The following DMXL1 variants were observed in gnomAD, a reference collection of about 807,000 sequenced individuals.
DMXL1 encodes Dmx like 1, also known as dmX-like protein 1.
In DMXL1, 99 loss-of-function variants were observed where a neutral mutation model predicts 319.2. That is an observed-to-expected ratio of 0.31 (90% CI 0.26 to 0.37). The LOEUF is 0.37. DMXL1 is among the 10% of genes least tolerant of loss of function. DMXL1 has a pLI of 1.00. For missense variants in DMXL1, 3,745 were observed against 3,595.6 expected, an observed-to-expected ratio of 1.04 and a Z score of -1.06; for synonymous variants, 1,385 against 1,235.2, an observed-to-expected ratio of 1.12 and a Z score of -2.54.
In DMXL1 at chr5:119,178,181, G is replaced by A. The variant is rs79460759; in HGVS notation, c.7072G>A (p.Ala2358Thr). ...AHPLNEKMWS[A>T]VFGGGAHVPS... ...TCCTCTAAATGAGAAAATGTGGTCT[G>A]CTGTGTTTGGTGGAGGTGCACATGT... The change falls in exon 28 of 44, where the codon GCT becomes ACT. Residue 2358 changes from alanine (A) to threonine (T), a missense_variant. Around this residue, in one of 4 missense-constraint regions of DMXL1, gnomAD observed 1,382 missense variants for 1,269.5 expected, o/e 1.09. Transcript: ENST00000539542. 0.057 allele frequency: 92,536 copies of A among 1,613,880 alleles called. 3,022 individuals carry two copies. The highest frequency in any genetic ancestry group is 0.083 in the Middle Eastern group (502 of 6,060).
chr5:119,113,143 C>G (rs1306868829), intron 5 of DMXL1, among the ~76,000 whole-genome samples: 1 of 152,086 alleles, frequency 6.6e-6, no homozygotes, highest in African/African-American at 2.4e-5. Context: ...TAAACATATA[C>G]AGTGGAATAT....
chr5:119,184,905 A>T (rs1003766992), intron 28 of DMXL1, among the ~76,000 whole-genome samples: 9 of 152,174 alleles, frequency 5.9e-5, no homozygotes, highest in African/African-American at 1.9e-4. Flanking sequence ...TATATACAGA[A>T]CCGTGTTGTG....
At chr5:119,175,957 A>G (rs774237794) in intron 26 of DMXL1, among the ~76,000 whole-genome samples, 9 of 151,920 alleles carry the variant, frequency 5.9e-5, no homozygotes, top group South Asian at 2.1e-4. Flanking sequence ...TCTCTCTTCT[A>G]TCTTTCCTAT....
chr5:119,125,552 A>ATATG lies in DMXL1; in HGVS notation c.1103-3656_1103-3653dup, dbSNP rs569059679. On this transcript the variant is annotated intron_variant, in intron 9 of 43. Transcript: ENST00000539542. The stretch of plus-strand genomic sequence containing the variant: ...ATGTGGATTTTGTGTGTGTATATAT[A>ATATG]TATGTAATTATTATTATTGTTATTA... 3.0e-3 allele frequency among the ~76,000 whole-genome samples: 459 copies of ATATG among 152,120 alleles called. 3 individuals are homozygous for ATATG. Among genetic ancestry groups the ATATG allele is most frequent in the African/African-American group, 0.01 (426 of 41,460 alleles).
chr5:119,099,690 T>C (rs748210243), intron 2 of DMXL1, among the ~76,000 whole-genome samples: 1 of 152,188 alleles, frequency 6.6e-6, no homozygotes, highest in Non-Finnish European at 1.5e-5. Context: ...ATAGACTATA[T>C]GACAGTCCAG....
At chr5:119,162,869 C>T (rs551730982) in intron 19 of DMXL1, among the ~76,000 whole-genome samples, 52 of 152,120 alleles carry the variant, frequency 3.4e-4, no homozygotes, top group African/African-American at 1.3e-3. Flanking sequence ...CATTTATTTT[C>T]AAAGTGTTCC....
chr5:119,077,613 GAC>G (rs930178842), intron 1 of DMXL1, among the ~76,000 whole-genome samples: 7 of 137,170 alleles, frequency 5.1e-5, no homozygotes, highest in African/African-American at 1.9e-4. Context: ...TGGGACCACA[GAC>G]ACGTGCCACC....
chr5:119,076,381 G>A (rs186695342), intron 1 of DMXL1, among the ~76,000 whole-genome samples: 1 of 151,924 alleles, frequency 6.6e-6, no homozygotes, highest in African/African-American at 2.4e-5. Context: ...TTGCCAAATT[G>A]GGAGGATGGG....
At chr5:119,142,241 C>G (rs1256192571) in intron 13 of DMXL1, among the ~76,000 whole-genome samples, 1 of 151,930 alleles carries the variant, frequency 6.6e-6, no homozygotes, top group Non-Finnish European at 1.5e-5. Context: ...GCAATCATAA[C>G]AGAGTAAATA....
chr5:119,129,465 A>C (rs1764319973), intron 10 of DMXL1, 42 bp downstream of exon 10: 1 of 1,414,444 alleles, frequency 7.1e-7, no homozygotes, highest in Non-Finnish European at 9.7e-7. Context: ...TTTTGCTCAA[A>C]ATAGCAAACA....
chr5:119,186,930 T>C (rs1319481941), intron 28 of DMXL1, among the ~76,000 whole-genome samples: 3 of 81,778 alleles, frequency 3.7e-5, no homozygotes, highest in African/African-American at 1.4e-4. Flanking sequence ...TGTCGTGGGG[T>C]GGGGGGATGG....
intron 38 of DMXL1, among the ~76,000 whole-genome samples, chr5:119,229,662 C>G (rs1454708667): frequency 6.6e-6 from 1 of 152,138 alleles, no homozygotes; most frequent in Non-Finnish European, 1.5e-5. Flanking sequence ...CCAAAAACAT[C>G]TTACTTTCCT....
chr5:119,081,337 C>T (rs887606689), intron 1 of DMXL1, among the ~76,000 whole-genome samples: 1 of 152,128 alleles, frequency 6.6e-6, no homozygotes, highest in African/African-American at 2.4e-5. Context: ...CTATTCACTC[C>T]CCACAGAAAT....
Position 119,095,227 on chromosome 5 carries a change from C to T in DMXL1, c.88-2752C>T, listed in dbSNP as rs144119680. ...CAGCTTTGTTAACTTCTAGTACCAT[C>T]GCTGAGAAAAAGTCAAATAGTAGTA... On this transcript the variant is annotated intron_variant, in intron 1 of 43. Transcript: ENST00000539542. Among the ~76,000 whole-genome samples, 894 of 152,206 alleles carry T rather than the reference C, an allele frequency of 5.9e-3. 9 individuals carry two copies. Among genetic ancestry groups the T allele is most frequent in the African/African-American group, 0.02 (849 of 41,528 alleles).
chr5:119,185,020 A>G (rs1581206289), intron 28 of DMXL1, among the ~76,000 whole-genome samples: 2 of 152,168 alleles, frequency 1.3e-5, no homozygotes, highest in Non-Finnish European at 2.9e-5. Context: ...TTCTCAATAT[A>G]TGTATATTGA....
rs1713660247 is a variant in DMXL1, at chr5:119,220,416, A to G, written c.8014-56A>G. The G allele has an allele frequency of 1.9e-6, 3 of 1,557,180 alleles. No individual in the cohort carries two copies. The African/African-American group carries it at 4.1e-5, about 21-fold the overall frequency. ...AAACTACCATTTTCAAAAGCAGCTC[A>G]TATACTATCTCTTTTGCCTATTGCT... On this transcript the variant is annotated intron_variant, in intron 35 of 43. Coordinates refer to ENST00000539542, the MANE Select transcript of DMXL1 (RefSeq NM_001290321.3).
intron 1 of DMXL1, among the ~76,000 whole-genome samples, chr5:119,072,507 G>A (rs1749843266): frequency 6.6e-6 from 1 of 151,986 alleles, no homozygotes; most frequent in South Asian, 2.1e-4. Context: ...GTCACTGCCT[G>A]GGAATACTAA....
chr5:119,148,489 G>C (rs921728292), intron 17 of DMXL1, among the ~76,000 whole-genome samples: 2 of 152,006 alleles, frequency 1.3e-5, no homozygotes, highest in Admixed American at 6.6e-5. Flanking sequence ...CTAGGTTTTG[G>C]TGATACTTTC....
chr5:119,101,004 A>G (rs1482926817), intron 2 of DMXL1, among the ~76,000 whole-genome samples: 2 of 151,512 alleles, frequency 1.3e-5, no homozygotes, highest in African/African-American at 4.8e-5. Context: ...GATGGACTCG[A>G]TCTCCTGACC....
Sources: allele counts gnomAD v4.1 joint callset (sites outside exome capture counted in the v4.1 genomes callset), GRCh38; gene constraint gnomAD v4.1.1; regional missense constraint gnomAD v4.1.1; transcripts MANE v1.5; gene names NCBI Gene and HGNC (gene_info 2026-07-23, HGNC 2026-07-21).